Variants in UGT1A8 observed in about 807,000 individuals in gnomAD.
The protein encoded by UGT1A8 is UDP-glucuronosyltransferase 1A8.
A neutral mutation model predicts 45.3 loss-of-function variants in UGT1A8; 39 were observed. That is an observed-to-expected ratio of 0.86 (90% confidence interval 0.67 to 1.12). UGT1A8 has a LOEUF of 1.12. Among genes scored for constraint, UGT1A8 ranks in the 50% most tolerant of loss-of-function variants. The pLI, the probability that UGT1A8 is intolerant of heterozygous loss-of-function variation, is 0.00. For missense variants in UGT1A8, 719 were observed against 664.9 expected, an observed-to-expected ratio of 1.08 and a Z score of -0.90; for synonymous variants, 275 against 249.2, an observed-to-expected ratio of 1.10 and a Z score of -0.97.
intron 1 of UGT1A8, chr2:233,637,367 C>A (rs773685174): frequency 3.7e-6 from 6 of 1,612,802 alleles, no homozygotes; most frequent in African/African-American, 1.3e-5. Flanking sequence ...CAGGGAAAGC[C>A]ATTGCCTATG....
intron 1 of UGT1A8, among the ~76,000 whole-genome samples, chr2:233,678,924 T>G (rs554683514): frequency 1.5e-4 from 23 of 152,322 alleles, no homozygotes; most frequent in Middle Eastern, 3.4e-3. Flanking sequence ...ATGTGCAACA[T>G]CTGGTCACAG....
intron 1 of UGT1A8, among the ~76,000 whole-genome samples, chr2:233,761,928 C>A (rs183537343): frequency 6.6e-6 from 1 of 152,346 alleles, no homozygotes; most frequent in Non-Finnish European, 1.5e-5. Flanking sequence ...AGCCCAGGCA[C>A]TTCCCAGGTG....
intron 1 of UGT1A8, chr2:233,692,868 A>G: frequency 2.7e-6 from 4 of 1,483,334 alleles, no homozygotes; most frequent in Non-Finnish European, 3.6e-6. Flanking sequence ...TACATATCAA[A>G]GGGTAAAATT....
At chr2:233,718,543 A>G (rs2076662148) in intron 1 of UGT1A8, among the ~76,000 whole-genome samples, 1 of 152,222 alleles carries the variant, frequency 6.6e-6, no homozygotes. Flanking sequence ...TTGGGAATTG[A>G]ATGAGAAAGA....
At chr2:233,635,556 C>T (rs991849767) in intron 1 of UGT1A8, among the ~76,000 whole-genome samples, 1 of 150,776 alleles carries the variant, frequency 6.6e-6, no homozygotes, top group African/African-American at 2.5e-5. Context: ...CACCTCCCAC[C>T]ATGCTTCATC....
intron 1 of UGT1A8, among the ~76,000 whole-genome samples, chr2:233,759,703 C>T (rs1054711590): frequency 1.3e-5 from 2 of 150,732 alleles, no homozygotes; most frequent in African/African-American, 4.9e-5. Context: ...CCTCATGGCG[C>T]GTGCTCGTGT....
In UGT1A8 at chr2:233,767,873, C is replaced by G. The variant is rs72551349; in HGVS notation, c.1012C>G (p.Arg338Gly). ...QTVLWRYTGT[R>G]PSNLANNTIL... is the part of the protein sequence containing the mutation. ...GGTCCTGTGGCGGTACACTGGAACC[C>G]GACCATCGAATCTTGCGAACAACAC... The change falls in exon 3 of 5, where the codon CGA becomes GGA. Residue 338 changes from arginine to glycine, a missense_variant. Arg to Gly is a moderately radical substitution (Grantham distance 125, BLOSUM62 -2). Coordinates refer to ENST00000373450, the MANE Select transcript of UGT1A8 (RefSeq NM_019076.5). 2 of 1,614,156 alleles carry G rather than the reference C, an allele frequency of 1.2e-6. No individual in the cohort carries two copies. The highest frequency in any genetic ancestry group is 1.7e-5 in the Admixed American group (1 of 60,012).
intron 1 of UGT1A8, among the ~76,000 whole-genome samples, chr2:233,724,360 G>T (rs1455285943): frequency 2.7e-5 from 4 of 146,576 alleles, no homozygotes; most frequent in Non-Finnish European, 4.5e-5. Context: ...CCTCCCTCCC[G>T]GACGGGGTGG....
chr2:233,756,397 G>GTT (rs1005447677), intron 1 of UGT1A8: 1 of 151,856 alleles, frequency 6.6e-6, no homozygotes, highest in African/African-American at 2.4e-5. Flanking sequence ...TACAGTATTG[G>GTT]TTTTTTATTT....
chr2:233,622,504 T>C (rs1274180597), intron 1 of UGT1A8, among the ~76,000 whole-genome samples: 2 of 152,242 alleles, frequency 1.3e-5, no homozygotes, highest in African/African-American at 4.8e-5. Context: ...TTTTTTCATA[T>C]GTCTGTTGGC....
chr2:233,663,717 G>T (rs1375374475), intron 1 of UGT1A8, among the ~76,000 whole-genome samples: 1 of 152,148 alleles, frequency 6.6e-6, no homozygotes, highest in Non-Finnish European at 1.5e-5. Flanking sequence ...TATAAAATAA[G>T]TTTCTCCCAA....
chr2:233,637,121 C>G, intron 1 of UGT1A8: 1 of 1,613,906 alleles, frequency 6.2e-7, no homozygotes, highest in Non-Finnish European at 8.5e-7. Flanking sequence ...TTCTCAGATG[C>G]CATGACTTTC....
chr2:233,693,547 A>G (rs765072328), intron 1 of UGT1A8: 1 of 1,614,164 alleles, frequency 6.2e-7, no homozygotes, highest in East Asian at 2.2e-5. Flanking sequence ...TGGAGCATAC[A>G]TTCAGCAGAA....
chr2:233,701,607 C>T (rs918136941), intron 1 of UGT1A8, among the ~76,000 whole-genome samples: 3 of 152,194 alleles, frequency 2.0e-5, no homozygotes, highest in Non-Finnish European at 4.4e-5. Flanking sequence ...AAGCACTCCT[C>T]AGCAAACGTA....
intron 1 of UGT1A8, chr2:233,692,086 G>A (rs1010859052): frequency 1.3e-5 from 2 of 152,196 alleles, no homozygotes; most frequent in Admixed American, 6.5e-5. Flanking sequence ...ATTGAAGATT[G>A]ATTTGATCAC....
chr2:233,718,187 C>G (rs1403409338), intron 1 of UGT1A8, among the ~76,000 whole-genome samples: 2 of 152,200 alleles, frequency 1.3e-5, no homozygotes, highest in Non-Finnish European at 2.9e-5. Flanking sequence ...TGAGCTCAGC[C>G]TCCCCGGAGC....
At chr2:233,645,601 C>T (rs2073579406) in intron 1 of UGT1A8, among the ~76,000 whole-genome samples, 1 of 152,208 alleles carries the variant, frequency 6.6e-6, no homozygotes, top group South Asian at 2.1e-4. Flanking sequence ...GCTACAGGCC[C>T]CATGCATGTC....
chr2:233,637,383 T>A (rs1416075088), intron 1 of UGT1A8: 1 of 1,610,652 alleles, frequency 6.2e-7, no homozygotes, highest in Non-Finnish European at 8.5e-7. Context: ...CTATGGTAAG[T>A]CACCTCTCCT....
At chr2:233,760,458 A>C (rs1336419159) in intron 1 of UGT1A8, 1 of 1,614,212 alleles carries the variant, frequency 6.2e-7, no homozygotes, top group South Asian at 1.1e-5. Context: ...GACATGAAAT[A>C]GTTGTCCTAG....
Sources: allele counts gnomAD v4.1 joint callset (sites outside exome capture counted in the v4.1 genomes callset), GRCh38; gene constraint gnomAD v4.1.1; transcripts MANE v1.5; gene names NCBI Gene and HGNC (gene_info 2026-07-23, HGNC 2026-07-21).